Variants in ASIC2 observed in about 807,000 individuals in gnomAD.
The protein encoded by ASIC2 is acid-sensing ion channel 2.
ASIC2 carries 25 observed loss-of-function variants against 57.3 expected under a neutral mutation model. The ratio of observed to expected loss-of-function variants is 0.44; its 90% CI spans 0.32 to 0.61. ASIC2 has a LOEUF of 0.61. Ranked by LOEUF, ASIC2 falls within the 20% of genes least tolerant of loss-of-function variation. The pLI is 0.06. For synonymous variants in ASIC2, 319 were observed against 307.5 expected, an observed-to-expected ratio of 1.04 and a Z score of -0.39; for missense variants, 641 against 738.1, an observed-to-expected ratio of 0.87 and a Z score of 1.52.
chr17:33,746,355 CCT>C, intron 1 of ASIC2, among the ~76,000 whole-genome samples: 1 of 145,314 alleles, frequency 6.9e-6, no homozygotes, highest in African/African-American at 2.5e-5. Context: ...CATGTATCTA[CCT>C]ATATATGTAG....
chr17:33,360,651 AC>A (rs1455000791), intron 1 of ASIC2, among the ~76,000 whole-genome samples: 1 of 152,174 alleles, frequency 6.6e-6, no homozygotes, highest in African/African-American at 2.4e-5. Flanking sequence ...CTTAAACGGA[AC>A]TTTTAGCCTT....
rs1235405277 is a variant in ASIC2 at position 34,038,244 on chromosome 17, C to T, written c.555+117734G>A. ...ATCTGCATGATAATGGACCGGGCCT[C>T]TTTCTCTGACATTAATTTGTGCTGT... On this transcript the variant is annotated intron_variant, in intron 1 of 9. Coordinates refer to the ASIC2 transcript ENST00000359872. 4.3e-5 allele frequency: 69 copies of T among 1,610,900 alleles called. 1 individual carries two copies. Among genetic ancestry groups the T allele is most frequent in the Non-Finnish European group, 5.8e-5 (68 of 1,178,380 alleles).
rs981878628 is a variant in ASIC2, at chr17:33,382,756, C to T, written c.556-270689G>A. Among the ~76,000 whole-genome samples the T allele has an allele frequency of 2.0e-5, 3 of 152,334 alleles. No homozygotes were observed. In the South Asian group the frequency reaches 6.2e-4, roughly 32 times the overall value. The stretch of plus-strand genomic sequence containing the variant: ...AAGTTCTCTGAAGCAGGGACTGCGT[C>T]ATCTTCATCTGTTCATGCACCAGTG... On this transcript the variant is annotated intron_variant, in intron 1 of 9. Transcript: ENST00000359872.
intron 1 of ASIC2, among the ~76,000 whole-genome samples, chr17:34,137,310 T>C (rs1330183988): frequency 1.3e-5 from 2 of 152,166 alleles, no homozygotes; most frequent in Non-Finnish European, 2.9e-5. Flanking sequence ...CCTCCACAAT[T>C]GAGACTTTAG....
intron 3 of ASIC2, among the ~76,000 whole-genome samples, chr17:33,068,069 C>T (rs1598261409): frequency 6.6e-6 from 1 of 152,234 alleles, no homozygotes; most frequent in Admixed American, 6.5e-5. Context: ...CCCACTCAGA[C>T]AACCCAGAGA....
chr17:34,141,504 T>C (rs905846886), intron 1 of ASIC2, among the ~76,000 whole-genome samples: 1 of 152,258 alleles, frequency 6.6e-6, no homozygotes, highest in Non-Finnish European at 1.5e-5. Flanking sequence ...TAAAGTAATC[T>C]TTTATTTACT....
chr17:33,305,583 T>G (rs569917103), intron 1 of ASIC2, among the ~76,000 whole-genome samples: 49 of 152,340 alleles, frequency 3.2e-4, no homozygotes, highest in African/African-American at 1.2e-3. Context: ...TCATTTAATG[T>G]TGGGGCAAAC....
At chr17:33,886,963 A>T (rs1337565054) in intron 1 of ASIC2, among the ~76,000 whole-genome samples, 1 of 152,180 alleles carries the variant, frequency 6.6e-6, no homozygotes, top group East Asian at 1.9e-4. Flanking sequence ...AACAAAAAAA[A>T]CAAAAAATGC....
intron 1 of ASIC2, among the ~76,000 whole-genome samples, chr17:33,604,195 A>T (rs998145532): frequency 2.0e-5 from 3 of 152,218 alleles, no homozygotes; most frequent in Non-Finnish European, 4.4e-5. Flanking sequence ...CATGCAAAAA[A>T]TACCTAGTGA....
At chr17:33,894,338 CGTGCGTGCGTGCGT>C (rs958416662) in intron 1 of ASIC2, among the ~76,000 whole-genome samples, 5 of 93,906 alleles carry the variant, frequency 5.3e-5, no homozygotes, top group Non-Finnish European at 9.3e-5. Flanking sequence ...TGCGTGCGTG[CGTGCGTGCGTGCGT>C]GTGTGTGTGT....
rs926042637 is a variant in ASIC2 at position 33,309,538 on chromosome 17, T to A, written c.556-197471A>T. Among the ~76,000 whole-genome samples, 5 of 152,094 alleles carry A rather than the reference T, an allele frequency of 3.3e-5. No individual in the cohort carries two copies. In the Middle Eastern group the frequency reaches 0.01, roughly 310 times the overall value. On this transcript the variant is annotated intron_variant, in intron 1 of 9. Transcript: ENST00000359872. ...AGTCTGTCCCAAACTGAATTCATCATCTTCCTCCTTATCCTCCTCTACCAT... is the reference window on the plus strand; with the variant it reads ...AGTCTGTCCCAAACTGAATTCATCAACTTCCTCCTTATCCTCCTCTACCAT...
chr17:33,625,254 C>G (rs1308902602), intron 1 of ASIC2, among the ~76,000 whole-genome samples: 2 of 151,892 alleles, frequency 1.3e-5, no homozygotes, highest in African/African-American at 4.8e-5. Context: ...ATCTTTATCT[C>G]TCTTTCATCT....
At chr17:33,163,948 G>A (rs769879919) in intron 1 of ASIC2, among the ~76,000 whole-genome samples, 11 of 152,166 alleles carry the variant, frequency 7.2e-5, no homozygotes, top group Non-Finnish European at 1.6e-4. Flanking sequence ...GAGGTGGGAG[G>A]ATCCTTGAGT....
At chr17:33,567,514 C>T (rs189182800) in intron 1 of ASIC2, among the ~76,000 whole-genome samples, 2 of 152,286 alleles carry the variant, frequency 1.3e-5, no homozygotes, top group East Asian at 1.9e-4. Context: ...GTTCATTTGG[C>T]TGCTGGACAG....
At chr17:33,978,164 C>CA (rs1249092398) in intron 1 of ASIC2, among the ~76,000 whole-genome samples, 1 of 152,230 alleles carries the variant, frequency 6.6e-6, no homozygotes, top group Admixed American at 6.5e-5. Context: ...TGGTGAGCTT[C>CA]TCCACTGGAT....
At chr17:33,737,660 C>G (rs555965903) in intron 1 of ASIC2, among the ~76,000 whole-genome samples, 2 of 142,046 alleles carry the variant, frequency 1.4e-5, no homozygotes, top group African/African-American at 5.1e-5. Flanking sequence ...GTAAAATACC[C>G]CTAACAGTAC....
intron 3 of ASIC2, among the ~76,000 whole-genome samples, chr17:33,085,885 T>C (rs1286742922): frequency 6.6e-6 from 1 of 152,214 alleles, no homozygotes; most frequent in Non-Finnish European, 1.5e-5. Flanking sequence ...AATGAGATGA[T>C]GCGGAAATGC....
chr17:34,127,649 G>C (rs1197548482), intron 1 of ASIC2, among the ~76,000 whole-genome samples: 2 of 152,172 alleles, frequency 1.3e-5, no homozygotes, highest in African/African-American at 4.8e-5. Context: ...CCCTCAGTGG[G>C]GCAGCTGGGG....
chr17:33,086,047 C>A (rs771650572), intron 3 of ASIC2, among the ~76,000 whole-genome samples: 7 of 152,270 alleles, frequency 4.6e-5, no homozygotes, highest in Middle Eastern at 3.4e-3. Flanking sequence ...TTTCCTCATC[C>A]TACTCACCAT....
Sources: allele counts gnomAD v4.1 joint callset (sites outside exome capture counted in the v4.1 genomes callset), GRCh38; gene constraint gnomAD v4.1.1; transcripts MANE v1.5; gene names NCBI Gene and HGNC (gene_info 2026-07-23, HGNC 2026-07-21).